The following GPC5 variants were observed in gnomAD, a reference collection of about 807,000 sequenced individuals.
The protein encoded by GPC5 is glypican-5.
In GPC5, 47 loss-of-function variants were observed where a neutral mutation model predicts 53.9. The ratio of observed to expected loss-of-function variants is 0.87; its 90% CI spans 0.69 to 1.11. The LOEUF (loss-of-function observed/expected upper bound fraction) is 1.11. Among genes scored for constraint, GPC5 ranks in the 50% most tolerant of loss-of-function variants. GPC5 has a pLI of 0.00. For missense variants in GPC5, 748 were observed against 713.1 expected, an observed-to-expected ratio of 1.05 and a Z score of -0.56; for synonymous variants, 286 against 263.3, an observed-to-expected ratio of 1.09 and a Z score of -0.84.
At chr13:92,699,878 G>T (rs1887673210) in intron 7 of GPC5, among the ~76,000 whole-genome samples, 2 of 152,172 alleles carry the variant, frequency 1.3e-5, no homozygotes, top group Admixed American at 1.3e-4. Flanking sequence ...TAAGTGCAGT[G>T]TGGTGCTGAG....
At chr13:92,602,404 A>T (rs2139083168) in intron 7 of GPC5, among the ~76,000 whole-genome samples, 1 of 151,828 alleles carries the variant, frequency 6.6e-6, no homozygotes, top group East Asian at 1.9e-4. Flanking sequence ...AATTTGTTGA[A>T]CTGTGCCGAC....
At chr13:92,188,702 A>G (rs943002215) in intron 7 of GPC5, among the ~76,000 whole-genome samples, 1 of 152,236 alleles carries the variant, frequency 6.6e-6, no homozygotes, top group African/African-American at 2.4e-5. Flanking sequence ...CCTAATTATC[A>G]TAAAATAAAT....
At chr13:91,692,586 T>C (rs1316337390) in intron 2 of GPC5, among the ~76,000 whole-genome samples, 1 of 152,232 alleles carries the variant, frequency 6.6e-6, no homozygotes, top group African/African-American at 2.4e-5. Context: ...ATTAGTGAGT[T>C]ATGAATGACT....
chr13:92,857,803 T>TAAAAAGTCA (rs1566447837), intron 7 of GPC5, among the ~76,000 whole-genome samples: 2 of 152,016 alleles, frequency 1.3e-5, no homozygotes, highest in African/African-American at 4.8e-5. Flanking sequence ...TGGCTATTAT[T>TAAAAAGTCA]AAAAAGTCAA....
chr13:92,713,450 CA>C (rs949590365), intron 7 of GPC5, among the ~76,000 whole-genome samples: 2 of 132,512 alleles, frequency 1.5e-5, no homozygotes, highest in East Asian at 2.2e-4. Context: ...AAAAAAAATA[CA>C]AAAAAAATTA....
At chr13:92,355,221 A>G (rs1203236217) in intron 7 of GPC5, among the ~76,000 whole-genome samples, 1 of 151,882 alleles carries the variant, frequency 6.6e-6, no homozygotes, top group Non-Finnish European at 1.5e-5. Flanking sequence ...TGTTTTCATT[A>G]TAACTGGATT....
intron 5 of GPC5, among the ~76,000 whole-genome samples, chr13:91,819,258 C>T (rs2038452794): frequency 7.5e-6 from 1 of 134,076 alleles, no homozygotes; most frequent in African/African-American, 2.8e-5. Context: ...CTCCCAGGTT[C>T]AAGTGATTCT....
intron 7 of GPC5, among the ~76,000 whole-genome samples, chr13:92,569,818 T>C (rs114883720): frequency 3.3e-5 from 5 of 152,352 alleles, no homozygotes; most frequent in South Asian, 2.1e-4. Context: ...TTGATTTATA[T>C]TGCTTACTTT....
chr13:92,861,780 G>C (rs927980102), intron 7 of GPC5, among the ~76,000 whole-genome samples: 2 of 151,946 alleles, frequency 1.3e-5, no homozygotes, highest in African/African-American at 4.8e-5. Flanking sequence ...TTACTCAACT[G>C]TATATAAATA....
At chr13:91,671,581 A>T (rs1428331560) in intron 2 of GPC5, among the ~76,000 whole-genome samples, 1 of 152,114 alleles carries the variant, frequency 6.6e-6, no homozygotes, top group Non-Finnish European at 1.5e-5. Flanking sequence ...ATAAGAGGAC[A>T]CAAACAAATG....
intron 6 of GPC5, among the ~76,000 whole-genome samples, chr13:91,976,132 G>C (rs1273468458): frequency 1.3e-5 from 2 of 152,082 alleles, no homozygotes; most frequent in Non-Finnish European, 2.9e-5. Flanking sequence ...GGGGTTGGGG[G>C]AGGGGGAAGG....
chr13:91,666,398 G>A (rs925275165), intron 2 of GPC5, among the ~76,000 whole-genome samples: 7 of 152,094 alleles, frequency 4.6e-5, no homozygotes, highest in Non-Finnish European at 1.0e-4. Flanking sequence ...TATTGATCTA[G>A]TCTTATGCCA....
chr13:92,753,420 C>G (rs557555000), intron 7 of GPC5, among the ~76,000 whole-genome samples: 1 of 152,192 alleles, frequency 6.6e-6, no homozygotes, highest in Admixed American at 6.5e-5. Context: ...AAGAGCAGAG[C>G]ACCTCTCCTC....
intron 7 of GPC5, among the ~76,000 whole-genome samples, chr13:92,574,059 T>A (rs1466669313): frequency 6.6e-6 from 1 of 152,176 alleles, no homozygotes; most frequent in Admixed American, 6.6e-5. Context: ...TTACTCTCCC[T>A]CAGGCCTAAG....
intron 7 of GPC5, among the ~76,000 whole-genome samples, chr13:92,308,277 G>A (rs1482307585): frequency 6.6e-6 from 1 of 152,128 alleles, no homozygotes; most frequent in East Asian, 1.9e-4. Flanking sequence ...TAGGGAATGT[G>A]CTTGCACTGT....
intron 6 of GPC5, among the ~76,000 whole-genome samples, chr13:92,035,907 A>G (rs1375433507): frequency 6.6e-6 from 1 of 152,156 alleles, no homozygotes; most frequent in African/African-American, 2.4e-5. Context: ...CAAATTGCCA[A>G]TTCATTGGAT....
intron 3 of GPC5, among the ~76,000 whole-genome samples, chr13:91,708,430 C>G (rs138542936): frequency 6.6e-6 from 1 of 151,972 alleles, no homozygotes; most frequent in Admixed American, 6.6e-5. Context: ...TCCAAAAGAC[C>G]GCATATTGTA....
intron 5 of GPC5, among the ~76,000 whole-genome samples, chr13:91,829,629 C>T (rs368736691): frequency 5.3e-5 from 8 of 151,938 alleles, no homozygotes; most frequent in Non-Finnish European, 7.4e-5. Flanking sequence ...TTAGAGGTAT[C>T]GGGGAACCTG....
chr13:91,845,975 C>T (rs1390379762), intron 5 of GPC5, among the ~76,000 whole-genome samples: 1 of 152,158 alleles, frequency 6.6e-6, no homozygotes, highest in African/African-American at 2.4e-5. Flanking sequence ...ATAGTTAATA[C>T]TTTAACTGGG....
Sources: allele counts gnomAD v4.1 joint callset (sites outside exome capture counted in the v4.1 genomes callset), GRCh38; gene constraint gnomAD v4.1.1; transcripts MANE v1.5; gene names NCBI Gene and HGNC (gene_info 2026-07-23, HGNC 2026-07-21).